POPDC2: variants seen among roughly 807,000 people sequenced by gnomAD.
POPDC2 encodes popeye domain-containing protein 2.
POPDC2 carries 24 observed loss-of-function variants against 30.5 expected under a neutral mutation model. The ratio of observed to expected loss-of-function variants is 0.79; its 90% confidence interval spans 0.57 to 1.11. The LOEUF is 1.11. POPDC2 is among the 50% of genes least tolerant of loss of function. The pLI is 0.00. For synonymous variants in POPDC2, 185 were observed against 183.3 expected (o/e 1.01, Z -0.07); for missense variants, 409 against 447.0 (o/e 0.91, Z 0.77).
intron 2 of POPDC2, among the ~76,000 whole-genome samples, chr3:119,653,317 A>G (rs2698282): frequency 0.36 from 54,090 of 152,008 alleles, 10,361 homozygotes; most frequent in East Asian, 0.66. Context: ...TAGCCATTCA[A>G]TAAGTGAGAG....
At chr3:119,644,326 C>T (rs1299971186) in intron 3 of POPDC2, among the ~76,000 whole-genome samples, 1 of 152,198 alleles carries the variant, frequency 6.6e-6, no homozygotes, top group Non-Finnish European at 1.5e-5. Flanking sequence ...TACCTCGGAG[C>T]TGCATTTCTA....
At position 119,642,363 on chromosome 3, in the gene POPDC2, C is replaced by A. The variant is rs1440933534; in HGVS notation, c.*242G>T. 13 of 747,714 alleles carry A rather than the reference C, an allele frequency of 1.7e-5. No individual in the cohort carries two copies. The highest frequency in any genetic ancestry group is 2.8e-5 in the Non-Finnish European group (12 of 428,172). 46.3% of individuals were successfully genotyped at this position (747,714 alleles called of 1,614,324 possible). A position where few individuals can be genotyped will look rare whatever the true frequency, so the allele number is the denominator to read the frequency against. ...TGTTGGCACCTTCTGTGTCCTCTCT[C>A]ACCTTGCCTGTGAGCCTTCCAGTGG... On this transcript the variant is annotated 3_prime_UTR_variant, in exon 4 of 4. Coordinates refer to ENST00000493094, the MANE Select transcript of POPDC2 (RefSeq NM_001369919.2).
intron 2 of POPDC2, among the ~76,000 whole-genome samples, chr3:119,650,906 C>T (rs1201800605): frequency 6.6e-6 from 1 of 152,248 alleles, no homozygotes; most frequent in African/African-American, 2.4e-5. Context: ...CCCCCGAAAG[C>T]AGCTCTACCT....
intron 1 of POPDC2, among the ~76,000 whole-genome samples, chr3:119,655,391 A>C (rs559185763): frequency 6.6e-6 from 1 of 152,348 alleles, no homozygotes; most frequent in South Asian, 2.1e-4. Flanking sequence ...AAATTAAATA[A>C]AATTAAAAAT....
intron 1 of POPDC2, among the ~76,000 whole-genome samples, chr3:119,655,173 C>T (rs2052865621): frequency 1.3e-5 from 2 of 151,926 alleles, no homozygotes; most frequent in Admixed American, 6.6e-5. Context: ...ACTAAAAATA[C>T]AAAAATTAGC....
Position 119,660,483 on chromosome 3 carries a change from A to C in POPDC2, c.-60T>G. The C allele has an allele frequency of 6.5e-7, 1 of 1,532,104 alleles. No individual in the cohort carries two copies. Among genetic ancestry groups the C allele is most frequent in the South Asian group, 1.3e-5 (1 of 78,962 alleles). The allele number at this position is 1,532,104 out of a possible 1,614,324, so 94.9% of individuals were successfully genotyped here. A position where few individuals can be genotyped will look rare whatever the true frequency, so the allele number is the denominator to read the frequency against. On this transcript the variant is annotated 5_prime_UTR_variant, in exon 1 of 4. Transcript: ENST00000493094. ...TACTGTCCTCACATAGGAAATTCAG[A>C]AAATGAATGAATCCATCCGCTCAGG... is the stretch of plus-strand genomic sequence containing the variant.
At chr3:119,654,472 G>T (rs765621842) in intron 2 of POPDC2, 33 bp downstream of exon 2, 1 of 1,426,236 alleles carries the variant, frequency 7.0e-7, no homozygotes, top group South Asian at 1.1e-5. Context: ...GTGGGATGGG[G>T]TGAGGCGGTG....
intron 1 of POPDC2, among the ~76,000 whole-genome samples, chr3:119,656,610 T>C (rs1397552193): frequency 1.3e-5 from 2 of 151,914 alleles, no homozygotes; most frequent in African/African-American, 2.4e-5. Flanking sequence ...GGACAGGGAG[T>C]GTATTTCAGA....
At chr3:119,647,882 C>A (rs150140242) in intron 3 of POPDC2, among the ~76,000 whole-genome samples, 1 of 152,194 alleles carries the variant, frequency 6.6e-6, no homozygotes. Context: ...TCCTGCTCAA[C>A]GTATCAACCA....
intron 3 of POPDC2, among the ~76,000 whole-genome samples, chr3:119,645,204 T>C (rs374015317): frequency 5.9e-5 from 9 of 152,364 alleles, no homozygotes; most frequent in African/African-American, 1.9e-4. Flanking sequence ...AGGCATTTCA[T>C]ACGATAGTAT....
At chr3:119,651,654 G>A (rs1577170015) in intron 2 of POPDC2, among the ~76,000 whole-genome samples, 1 of 139,618 alleles carries the variant, frequency 7.2e-6, no homozygotes, top group Non-Finnish European at 1.5e-5. Flanking sequence ...CCGCCCCCCT[G>A]AGACGAAGTC....
intron 1 of POPDC2, among the ~76,000 whole-genome samples, chr3:119,656,579 C>T (rs1422711147): frequency 6.6e-6 from 1 of 152,090 alleles, no homozygotes; most frequent in Admixed American, 6.5e-5. Flanking sequence ...GAACTGATGG[C>T]ATGTCATTGA....
intron 3 of POPDC2, among the ~76,000 whole-genome samples, chr3:119,646,750 A>G (rs534614004): frequency 5.3e-5 from 8 of 152,216 alleles, no homozygotes; most frequent in Non-Finnish European, 1.0e-4. Context: ...GAAGAAAACC[A>G]GGAAGAACAA....
upstream of POPDC2, chr3:119,660,806 T>A: frequency 5.4e-6 from 1 of 183,644 alleles, no homozygotes; most frequent in Non-Finnish European, 1.2e-5. Flanking sequence ...CAAGGGAAAG[T>A]AGCACTACAG....
At chr3:119,658,243 G>C (rs1337472303) in intron 1 of POPDC2, among the ~76,000 whole-genome samples, 1 of 152,118 alleles carries the variant, frequency 6.6e-6, no homozygotes, top group Non-Finnish European at 1.5e-5. Flanking sequence ...AGCTGAGACA[G>C]GGTGACACTG....
chr3:119,648,728 C>A, intron 2 of POPDC2, 60 bp from the exon 3 acceptor site: 1 of 1,412,578 alleles, frequency 7.1e-7, no homozygotes, highest in Admixed American at 2.0e-5. Context: ...CCATGCTGAG[C>A]ACAGAGATCA....
chr3:119,660,243 A>T lies in POPDC2; in HGVS notation c.181T>A (p.Tyr61Asn). 1.2e-6 allele frequency: 2 copies of T among 1,614,208 alleles called. No homozygotes were observed. Among genetic ancestry groups the T allele is most frequent in the African/African-American group, 1.3e-5 (1 of 75,056 alleles). ...FYLFGFLSAG[Y>N]LCCVLWGWFS... The stretch of plus-strand genomic sequence containing the variant: ...CAGCCCCACAGCACGCAGCACAGGT[A>T]ACCTGCACTCAGGAAGCCAAAAAGA... The change falls in exon 1 of 4, where the codon TAC (tyrosine) becomes AAC (asparagine). Residue 61 changes from tyrosine (Y) to asparagine (N), a missense_variant. Transcript: ENST00000493094.
intron 3 of POPDC2, among the ~76,000 whole-genome samples, chr3:119,642,853 CCTAT>C (rs770578770): frequency 7.9e-5 from 12 of 152,084 alleles, no homozygotes; most frequent in Non-Finnish European, 1.6e-4. Flanking sequence ...CTTACCTAAC[CCTAT>C]CTAATTTAAA....
At chr3:119,660,613 A>G (rs1577175574), upstream of POPDC2, 10 of 568,316 alleles carry the variant, frequency 1.8e-5, no homozygotes, top group South Asian at 2.6e-4. Flanking sequence ...CTTCATGGAG[A>G]ATTTAAAAAC....
Sources: allele counts gnomAD v4.1 joint callset (sites outside exome capture counted in the v4.1 genomes callset), GRCh38; gene constraint gnomAD v4.1.1; transcripts MANE v1.5; gene names NCBI Gene and HGNC (gene_info 2026-07-23, HGNC 2026-07-21).